FBRSL1: variants seen among roughly 807,000 people sequenced by gnomAD.
The protein encoded by FBRSL1 is fibrosin like 1, also known as fibrosin-1-like protein.
A neutral mutation model predicts 89.6 loss-of-function variants in FBRSL1; 51 were observed. That is an observed-to-expected ratio of 0.57 (90% CI 0.45 to 0.72). The LOEUF is 0.72. Among genes scored for constraint, FBRSL1 ranks in the 30% least tolerant of loss-of-function variants. FBRSL1 has a pLI of 0.00. For missense variants in FBRSL1, 1,618 were observed against 1,451.8 expected (o/e 1.11, Z -1.86); for synonymous variants, 779 against 681.1 (o/e 1.14, Z -2.24).
At chr12:132,566,929 C>T (rs1024196370) in intron 5 of FBRSL1, among the ~76,000 whole-genome samples, 3 of 152,154 alleles carry the variant, frequency 2.0e-5, no homozygotes, top group South Asian at 4.1e-4. Context: ...GGAGCTCAGC[C>T]GGCCCGGGAG....
intron 1 of FBRSL1, among the ~76,000 whole-genome samples, chr12:132,495,148 C>G (rs2031788810): frequency 6.6e-6 from 1 of 152,194 alleles, no homozygotes; most frequent in Non-Finnish European, 1.5e-5. Context: ...AGGGACTGGC[C>G]CAGACACTGC....
intron 2 of FBRSL1, among the ~76,000 whole-genome samples, chr12:132,517,152 G>C (rs1303043034): frequency 6.6e-6 from 1 of 152,194 alleles, no homozygotes; most frequent in African/African-American, 2.4e-5. Context: ...ACTGGGCCTG[G>C]GCCTGCCACC....
intron 2 of FBRSL1, among the ~76,000 whole-genome samples, chr12:132,522,506 T>C (rs1460927052): frequency 6.6e-6 from 1 of 152,040 alleles, no homozygotes; most frequent in Non-Finnish European, 1.5e-5. Context: ...CCCAGTGGAG[T>C]GCAGCTTGTA....
intron 15 of FBRSL1, among the ~76,000 whole-genome samples, chr12:132,579,627 C>T (rs1283915305): frequency 1.3e-5 from 2 of 152,294 alleles, no homozygotes; most frequent in Non-Finnish European, 2.9e-5. Context: ...TGTAAACTGT[C>T]GGTACGTTTC....
In FBRSL1 at chr12:132,569,941, A is replaced by T; in HGVS notation, c.707A>T (p.Lys236Met). 7.1e-7 allele frequency: 1 copy of T among 1,416,664 alleles called. No individual in the cohort carries two copies. Among genetic ancestry groups the T allele is most frequent in the Non-Finnish European group, 9.2e-7 (1 of 1,092,678 alleles). 87.8% of individuals were successfully genotyped at this position (1,416,664 alleles called of 1,614,324 possible). The change falls in exon 7 of 19, where the codon AAG becomes ATG. Residue 236 changes from lysine (K) to methionine (M), a missense_variant. Physicochemically the swap from Lys to Met is moderately conservative, Grantham distance 95. Transcript: ENST00000680143. The stretch of plus-strand genomic sequence containing the variant: ...CTCTCTGCAGGCCCAGCGCTTGAGA[A>T]GTCGGAGGCCAAGGCCGGGCCGGTG... ...PGTDKGPALEKSEAKAGPVPK... is the reference protein window; with the variant it reads ...PGTDKGPALEMSEAKAGPVPK...
At chr12:132,569,549 C>T (rs558598907) in intron 6 of FBRSL1, among the ~76,000 whole-genome samples, 4 of 152,298 alleles carry the variant, frequency 2.6e-5, no homozygotes, top group Admixed American at 2.0e-4. Flanking sequence ...TCCAGCTCCC[C>T]TCTTGGGCCA....
intron 15 of FBRSL1, among the ~76,000 whole-genome samples, chr12:132,579,737 C>T (rs1338289620): frequency 6.6e-6 from 1 of 152,164 alleles, no homozygotes; most frequent in African/African-American, 2.4e-5. Flanking sequence ...CACGAGGGCT[C>T]TTTGCCGTCT....
chr12:132,572,519 T>C lies in FBRSL1; in HGVS notation c.1435-8T>C. 1 of 1,548,928 alleles carries C rather than the reference T, an allele frequency of 6.5e-7. No individual in the cohort carries two copies. ...GCCCCCCCTCCATCCGCTCTCCTTC[T>C]CTTACAGTTCTTCCCGTCCTTCCCT... On this transcript the variant is annotated splice_region_variant and splice_polypyrimidine_tract_variant and intron_variant, in intron 10 of 18. Coordinates refer to ENST00000680143, the MANE Select transcript of FBRSL1 (RefSeq NM_001367871.1).
chr12:132,550,535 CTCTCCTTGTTGGCCCGTCAGCCTG>C (rs916950051), intron 5 of FBRSL1, among the ~76,000 whole-genome samples: 19 of 152,164 alleles, frequency 1.2e-4, no homozygotes, highest in African/African-American at 4.6e-4. Context: ...CTGCAGGGGC[CTCTCCTTGTTGGCCCGTCAGCCTG>C]TCCGTCTGTG....
chr12:132,529,010 A>T (rs1028806639), intron 4 of FBRSL1, among the ~76,000 whole-genome samples: 10 of 152,126 alleles, frequency 6.6e-5, no homozygotes, highest in African/African-American at 2.4e-4. Context: ...CCTCCTCATG[A>T]CTGTGTTTCA....
In FBRSL1 at chr12:132,583,693, G is replaced by C; in HGVS notation, c.2924G>C (p.Arg975Pro). 2.5e-6 allele frequency: 3 copies of C among 1,177,072 alleles called. No homozygotes were observed. The highest frequency in any genetic ancestry group is 2.1e-6 in the Non-Finnish European group (2 of 952,918). The allele number at this position is 1,177,072 out of a possible 1,614,324, so 72.9% of individuals were successfully genotyped here. Residue 975 changes from arginine (R) to proline (P), a missense_variant, in exon 19 of 19, where the codon CGG (arginine) becomes CCG (proline). By Grantham distance (103) the Arg-to-Pro change is moderately radical. Transcript: ENST00000680143. ...ACGCCCCCCGGGCCGCCGCGGAGCCGGACTACTCCGCTGGGGGGCCTCGGG... is the reference window on the plus strand; with the variant it reads ...ACGCCCCCCGGGCCGCCGCGGAGCCCGACTACTCCGCTGGGGGGCCTCGGG... ...PPTPPGPPRS[R>P]TTPLGGLGPG...
chr12:132,583,218 G>A lies in FBRSL1; in HGVS notation c.2449G>A (p.Glu817Lys). ...CCCTGGAGACGTGAAGGTCAAGGAG[G>A]AGCGCGGGGAGGACGAGGCCTCCGA... ...AAPGDVKVKE[E>K]RGEDEASEPP... The change falls in exon 19 of 19, where the codon GAG (glutamate) becomes AAG (lysine). Residue 817 changes from glutamate (E) to lysine (K), a missense_variant. Coordinates refer to ENST00000680143, the MANE Select transcript of FBRSL1 (RefSeq NM_001367871.1). 2 of 1,411,724 alleles carry A rather than the reference G, an allele frequency of 1.4e-6. No homozygotes were observed. The highest frequency in any genetic ancestry group is 1.5e-5 in the African/African-American group (1 of 66,252). The allele number at this position is 1,411,724 out of a possible 1,614,324, so 87.4% of individuals were successfully genotyped here. A position where few individuals can be genotyped will look rare whatever the true frequency, so the allele number is the denominator to read the frequency against.
chr12:132,582,512 C>T (rs1263589366), intron 18 of FBRSL1, among the ~76,000 whole-genome samples: 2 of 151,466 alleles, frequency 1.3e-5, no homozygotes, highest in Non-Finnish European at 2.9e-5. Context: ...GGGGCCAAAG[C>T]TCTGCTCCCC....
chr12:132,509,189 G>A (rs1248532803), intron 2 of FBRSL1: 6 of 1,245,778 alleles, frequency 4.8e-6, no homozygotes, highest in East Asian at 6.3e-5. Flanking sequence ...AAGGGGGGCC[G>A]CTCCCAGCCA....
intron 2 of FBRSL1, among the ~76,000 whole-genome samples, chr12:132,524,115 C>G (rs567334311): frequency 3.3e-5 from 5 of 152,238 alleles, no homozygotes; most frequent in Non-Finnish European, 5.9e-5. Context: ...CCGAATGTTA[C>G]AGTTACAGAT....
At chr12:132,498,172 A>C (rs559443520) in intron 1 of FBRSL1, among the ~76,000 whole-genome samples, 1 of 152,124 alleles carries the variant, frequency 6.6e-6, no homozygotes, top group Non-Finnish European at 1.5e-5. Flanking sequence ...AGATCTGTCA[A>C]GCCCCACAGC....
chr12:132,572,691 C>T (rs1168467796), intron 11 of FBRSL1, 69 bp downstream of exon 11: 21 of 1,093,988 alleles, frequency 1.9e-5, no homozygotes, highest in African/African-American at 3.1e-5. Flanking sequence ...TGCATGACAA[C>T]CTCGCCAAAC....
intron 11 of FBRSL1, among the ~76,000 whole-genome samples, chr12:132,573,646 G>A (rs1166566360): frequency 2.9e-5 from 4 of 136,206 alleles, no homozygotes; most frequent in Non-Finnish European, 4.9e-5. Context: ...GGGAAGGGGC[G>A]GTAGAGCCAG....
At chr12:132,578,368 A>C (rs537617721) in intron 15 of FBRSL1, among the ~76,000 whole-genome samples, 5 of 26,574 alleles carry the variant, frequency 1.9e-4, no homozygotes, top group South Asian at 1.5e-3. Flanking sequence ...CACACACACA[A>C]AATCATAGAG....
Sources: allele counts gnomAD v4.1 joint callset (sites outside exome capture counted in the v4.1 genomes callset), GRCh38; gene constraint gnomAD v4.1.1; transcripts MANE v1.5; gene names NCBI Gene and HGNC (gene_info 2026-07-23, HGNC 2026-07-21).